GYPC: variants seen among roughly 807,000 people sequenced by gnomAD.
GYPC encodes glycophorin-C.
A neutral mutation model predicts 12.6 loss-of-function variants in GYPC; 14 were observed. That is an observed-to-expected ratio of 1.11 (90% confidence interval 0.74 to 1.74). GYPC has a LOEUF of 1.74. Ranked by LOEUF, GYPC falls within the 40% of genes most tolerant of loss-of-function variation. The probability of loss-of-function intolerance (pLI) is 0.00; values close to 1 mark genes in which losing one functional copy is unlikely to be tolerated. For missense variants in GYPC, 225 were observed against 172.1 expected (o/e 1.31, Z -1.72); for synonymous variants, 78 against 62.1 (o/e 1.26, Z -1.20).
chr2:126,687,789 G>A (rs963760535), intron 1 of GYPC, among the ~76,000 whole-genome samples: 1 of 152,188 alleles, frequency 6.6e-6, no homozygotes, highest in Non-Finnish European at 1.5e-5. Flanking sequence ...CTCCCAGCCT[G>A]GCTGCCCTGC....
intron 2 of GYPC, among the ~76,000 whole-genome samples, chr2:126,692,137 G>T (rs1266868597): frequency 6.6e-6 from 1 of 152,110 alleles, no homozygotes; most frequent in Non-Finnish European, 1.5e-5. Context: ...TACGGCCCTT[G>T]CTTCAGGTCT....
intron 1 of GYPC, among the ~76,000 whole-genome samples, chr2:126,689,682 T>G (rs1242268294): frequency 6.6e-6 from 1 of 152,054 alleles, no homozygotes; most frequent in African/African-American, 2.4e-5. Flanking sequence ...CACCTTGTGG[T>G]CTCTTTGCGA....
At chr2:126,660,223 T>A (rs953201879) in intron 1 of GYPC, among the ~76,000 whole-genome samples, 3 of 152,190 alleles carry the variant, frequency 2.0e-5, no homozygotes, top group Admixed American at 6.5e-5. Context: ...CTCCCCCAGC[T>A]CCTCAGCCGG....
intron 1 of GYPC, chr2:126,657,463 G>A (rs145989695): frequency 1.7e-3 from 253 of 152,364 alleles, no homozygotes; most frequent in African/African-American, 5.5e-3. Context: ...CCAGCAGCAC[G>A]AAGTGCGTAT....
chr2:126,692,946 T>C (rs1683517253), intron 2 of GYPC, among the ~76,000 whole-genome samples: 1 of 152,134 alleles, frequency 6.6e-6, no homozygotes, highest in Non-Finnish European at 1.5e-5. Flanking sequence ...GTTCTTCCTG[T>C]GAGATGGGCC....
At chr2:126,670,224 C>T (rs1216024269) in intron 1 of GYPC, among the ~76,000 whole-genome samples, 1 of 152,222 alleles carries the variant, frequency 6.6e-6, no homozygotes, top group Non-Finnish European at 1.5e-5. Context: ...GCTGCTCTAG[C>T]CTCACTGGAC....
At chr2:126,682,783 T>G (rs1288803459) in intron 1 of GYPC, among the ~76,000 whole-genome samples, 4 of 152,146 alleles carry the variant, frequency 2.6e-5, no homozygotes, top group Non-Finnish European at 4.4e-5. Context: ...AGCCTGAGCT[T>G]CTTCAGTTGC....
chr2:126,685,962 C>T, intron 1 of GYPC: 6 of 985,292 alleles, frequency 6.1e-6, no homozygotes, highest in Non-Finnish European at 7.2e-6. Flanking sequence ...CTCCTTCGAG[C>T]CCTCACCCTG....
intron 1 of GYPC, among the ~76,000 whole-genome samples, chr2:126,679,423 T>C (rs1188952244): frequency 6.6e-6 from 1 of 152,172 alleles, no homozygotes; most frequent in African/African-American, 2.4e-5. Context: ...CTTAGGAAGG[T>C]TATTTATCCA....
chr2:126,671,603 C>T (rs947068656), intron 1 of GYPC, among the ~76,000 whole-genome samples: 3 of 152,220 alleles, frequency 2.0e-5, no homozygotes, highest in African/African-American at 7.2e-5. Context: ...AGAGCTCAAC[C>T]GTGGTCTCCT....
At chr2:126,667,435 C>A (rs1183134329) in intron 1 of GYPC, among the ~76,000 whole-genome samples, 1 of 147,568 alleles carries the variant, frequency 6.8e-6, no homozygotes, top group African/African-American at 2.5e-5. Flanking sequence ...TGGAGTCTCG[C>A]TCTTGTTGCA....
At chr2:126,689,589 C>T (rs1451676360) in intron 1 of GYPC, among the ~76,000 whole-genome samples, 2 of 150,792 alleles carry the variant, frequency 1.3e-5, no homozygotes, top group Non-Finnish European at 2.9e-5. Context: ...GGAGTTCTAG[C>T]TGTCGTGAGA....
At chr2:126,674,464 A>G (rs111804110) in intron 1 of GYPC, among the ~76,000 whole-genome samples, 13 of 9,186 alleles carry the variant, frequency 1.4e-3, no homozygotes, top group Admixed American at 5.0e-3. Context: ...GTGGGGGGGG[A>G]ATACAGGCTC....
chr2:126,656,340 TG>T, intron 1 of GYPC, 28 bp downstream of exon 1: 2 of 1,565,480 alleles, frequency 1.3e-6, no homozygotes, highest in Non-Finnish European at 1.7e-6. Context: ...GGAAGGGTCC[TG>T]GGGACCCACT....
At chr2:126,671,593 A>T (rs7597589) in intron 1 of GYPC, among the ~76,000 whole-genome samples, 73,275 of 152,108 alleles carry the variant, frequency 0.48, 19,323 homozygotes, top group Non-Finnish European at 0.58. Context: ...TGGTAGCTCC[A>T]GAGCTCAACC....
In GYPC at chr2:126,696,118, C is replaced by T. The variant is rs1353233252; in HGVS notation, c.363C>T (p.Ser121=). The T allele has an allele frequency of 1.2e-6, 2 of 1,613,632 alleles. No homozygotes were observed. The highest frequency in any genetic ancestry group is 1.7e-5 in the Admixed American group (1 of 60,002). Residue 121 remains serine (S), a synonymous_variant, in exon 4 of 4, where the codon AGC becomes AGT. Coordinates refer to ENST00000259254, the MANE Select transcript of GYPC (RefSeq NM_002101.5). ...GDPALQDAGD[S]SRKEYFI ...CTGCCCTCCAAGATGCTGGTGATAG[C>T]AGCAGAAAGGAGTACTTTATTTGAG...
intron 1 of GYPC, among the ~76,000 whole-genome samples, chr2:126,670,613 C>T (rs1302472316): frequency 7.2e-5 from 11 of 152,330 alleles, no homozygotes. Flanking sequence ...CCAGGCTGGG[C>T]TACAGGCACA....
chr2:126,673,109 T>C (rs146778906), intron 1 of GYPC, among the ~76,000 whole-genome samples: 138 of 152,178 alleles, frequency 9.1e-4, no homozygotes, highest in Admixed American at 1.6e-3. Context: ...CTTGATGTGA[T>C]GAACGGTCCA....
At chr2:126,681,451 C>T (rs866770984) in intron 1 of GYPC, among the ~76,000 whole-genome samples, 6 of 152,154 alleles carry the variant, frequency 3.9e-5, no homozygotes, top group South Asian at 2.1e-4. Context: ...TTCCCGAGCA[C>T]GGACTTTTGT....
Sources: gnomAD v4.1 joint callset for allele counts (sites outside exome capture counted in the v4.1 genomes callset) on GRCh38, gnomAD v4.1.1 for gene constraint, MANE v1.5 for transcripts, NCBI Gene and HGNC (gene_info 2026-07-23, HGNC 2026-07-21) for gene names.